ZC3H13: variants seen among roughly 807,000 people sequenced by gnomAD.
ZC3H13 encodes the protein zinc finger CCCH domain-containing protein 13.
In ZC3H13, 64 loss-of-function variants were observed where a neutral mutation model predicts 204.1. The observed-to-expected ratio is 0.31, with a 90% CI of 0.26 to 0.39. The LOEUF (loss-of-function observed/expected upper bound fraction) is 0.39, where lower values mean the gene tolerates loss of function less well. Among genes scored for constraint, ZC3H13 ranks in the 10% least tolerant of loss-of-function variants. The pLI, the probability that ZC3H13 is intolerant of heterozygous loss-of-function variation, is 1.00. For synonymous variants in ZC3H13, 667 were observed against 693.7 expected, an observed-to-expected ratio of 0.96 and a Z score of 0.60; for missense variants, 1,833 against 2,082.7, an observed-to-expected ratio of 0.88 and a Z score of 2.33.
chr13:46,006,816 C>T (rs117668619), intron 7 of ZC3H13, among the ~76,000 whole-genome samples: 1,659 of 145,862 alleles, frequency 0.011, 17 homozygotes, highest in Non-Finnish European at 0.02. Flanking sequence ...GTCCTCATCC[C>T]TATGTCTTAT....
chr13:46,043,200 A>T (rs182466943), intron 3 of ZC3H13, among the ~76,000 whole-genome samples: 2 of 152,016 alleles, frequency 1.3e-5, no homozygotes, highest in East Asian at 3.9e-4. Context: ...AACAAATCAC[A>T]TAAATATTCA....
chr13:45,959,499 A>AG lies in ZC3H13; in HGVS notation c.4822dup (p.Leu1608ProfsTer3). The AG allele has an allele frequency of 2.6e-6, 4 of 1,542,772 alleles. No individual in the cohort carries two copies. Among genetic ancestry groups the AG allele is most frequent in the Non-Finnish European group, 3.5e-6 (4 of 1,144,090 alleles). ...TAACAGTACCTTCTCATTTTTAACA[A>AG]GCTGCTTTCGAATTGCAGAATCCCG... On this transcript the variant is annotated frameshift_variant, in exon 18 of 19. Coordinates refer to ENST00000679008, the MANE Select transcript of ZC3H13 (RefSeq NM_001330564.2). LOFTEE classifies it high-confidence loss of function.
At chr13:45,988,693 A>G (rs1243673524) in intron 9 of ZC3H13, 94 bp downstream of exon 9, 1 of 1,388,000 alleles carries the variant, frequency 7.2e-7, no homozygotes, top group East Asian at 2.3e-5. Flanking sequence ...GTTACAGAAG[A>G]CTTAACATAG....
At chr13:46,016,845 CTATT>C (rs1056859478) in intron 5 of ZC3H13, among the ~76,000 whole-genome samples, 22 of 152,164 alleles carry the variant, frequency 1.4e-4, no homozygotes, top group African/African-American at 5.3e-4. Flanking sequence ...TTGGTAAAAT[CTATT>C]TATAGGCAAT....
At chr13:46,029,532 C>T (rs2042751862) in intron 4 of ZC3H13, among the ~76,000 whole-genome samples, 2 of 151,038 alleles carry the variant, frequency 1.3e-5, no homozygotes, top group Non-Finnish European at 3.0e-5. Flanking sequence ...GGGTTCACGC[C>T]ATTCTCCTGC....
intron 4 of ZC3H13, among the ~76,000 whole-genome samples, chr13:46,039,673 AAC>A (rs2043441624): frequency 1.3e-5 from 2 of 152,226 alleles, no homozygotes; most frequent in Admixed American, 1.3e-4. Flanking sequence ...GCCACTGTTA[AAC>A]ACAGCCATGA....
At chr13:46,013,570 G>C (rs1180050155) in intron 5 of ZC3H13, among the ~76,000 whole-genome samples, 1 of 152,044 alleles carries the variant, frequency 6.6e-6, no homozygotes, top group African/African-American at 2.4e-5. Context: ...GTAAGAGATG[G>C]ACTACAAGAT....
At chr13:46,041,069 ACTC>A (rs1408820895) in intron 4 of ZC3H13, among the ~76,000 whole-genome samples, 1 of 152,048 alleles carries the variant, frequency 6.6e-6, no homozygotes, top group Non-Finnish European at 1.5e-5. Context: ...TGTCAACTCC[ACTC>A]CTCAATATAA....
At chr13:46,010,145 A>G (rs1480688903) in intron 7 of ZC3H13, 5 of 401,162 alleles carry the variant, frequency 1.2e-5, no homozygotes, top group African/African-American at 2.1e-5. Flanking sequence ...GCTCTGAAGC[A>G]TATGTGGATG....
intron 10 of ZC3H13, among the ~76,000 whole-genome samples, chr13:45,984,621 T>A (rs1228906600): frequency 6.6e-6 from 1 of 152,000 alleles, no homozygotes; most frequent in Admixed American, 6.6e-5. Flanking sequence ...AACACAAATA[T>A]GAAGCTGTAA....
At chr13:46,016,548 A>G (rs2041919193) in intron 5 of ZC3H13, among the ~76,000 whole-genome samples, 1 of 152,164 alleles carries the variant, frequency 6.6e-6, no homozygotes, top group African/African-American at 2.4e-5. Flanking sequence ...GGTGCTAGAA[A>G]TCAGGACAGT....
At chr13:46,037,887 A>G (rs769884564) in intron 4 of ZC3H13, among the ~76,000 whole-genome samples, 1 of 152,236 alleles carries the variant, frequency 6.6e-6, no homozygotes, top group African/African-American at 2.4e-5. Flanking sequence ...CTTTCTTTTC[A>G]TACTAAGTCT....
intron 5 of ZC3H13, among the ~76,000 whole-genome samples, chr13:46,017,540 T>C (rs1426331186): frequency 6.6e-6 from 1 of 152,146 alleles, no homozygotes; most frequent in Non-Finnish European, 1.5e-5. Flanking sequence ...TAAAAGCATA[T>C]AATGGATTTT....
At chr13:45,965,135 T>A in intron 16 of ZC3H13, 145 bp downstream of exon 16, 1 of 1,019,022 alleles carries the variant, frequency 9.8e-7, no homozygotes, top group East Asian at 2.8e-5. Flanking sequence ...ATAATTTTCA[T>A]TTTATTGGCC....
chr13:45,996,130 ATAC>A (rs1388359115), intron 8 of ZC3H13, among the ~76,000 whole-genome samples: 1 of 152,212 alleles, frequency 6.6e-6, no homozygotes, highest in East Asian at 1.9e-4. Context: ...TGTTCCTAAA[ATAC>A]TACTAATGTA....
In ZC3H13 at chr13:45,985,503, T is replaced by C. The variant is rs768523970; in HGVS notation, c.1514A>G (p.His505Arg). 2 of 1,614,230 alleles carry C rather than the reference T, an allele frequency of 1.2e-6. No homozygotes were observed. The highest frequency in any genetic ancestry group is 1.7e-6 in the Non-Finnish European group (2 of 1,180,036). The change falls in exon 10 of 19, where the codon CAT becomes CGT. Residue 505 changes from histidine (H) to arginine (R), a missense_variant. By Grantham distance (29) the His-to-Arg change is conservative (BLOSUM62 0). Transcript: ENST00000679008. ...TCGACCTTCACGGTCCCTGTAGTCATGGGCATCACGAGTGGACCGAGAATC... is the reference window on the plus strand; with the variant it reads ...TCGACCTTCACGGTCCCTGTAGTCACGGGCATCACGAGTGGACCGAGAATC... Reference protein sequence around the residue: ...PRDSRSTRDAHDYRDREGRDT... With the variant: ...PRDSRSTRDARDYRDREGRDT...
At position 46,052,599 on chromosome 13, in the gene ZC3H13, C is replaced by A. The variant is rs1024213127; in HGVS notation, c.-205G>T. 5.0e-6 allele frequency: 2 copies of A among 398,642 alleles called. No homozygotes were observed. The highest frequency in any genetic ancestry group is 8.8e-6 in the Non-Finnish European group (2 of 226,186). The allele number at this position is 398,642 out of a possible 1,614,324, so 24.7% of individuals were successfully genotyped here. A position where few individuals can be genotyped will look rare whatever the true frequency, so the allele number is the denominator to read the frequency against. On this transcript the variant is annotated 5_prime_UTR_variant, in exon 1 of 19. Transcript: ENST00000679008. Reference sequence around the variant, plus strand: ...CCCCGGGATGGCTGAGAAGCAGAACCAACCCGCCCGCCGCCTCTCCAGGGT... The same window carrying A: ...CCCCGGGATGGCTGAGAAGCAGAACAAACCCGCCCGCCGCCTCTCCAGGGT...
chr13:46,035,370 T>C (rs1224316276), intron 4 of ZC3H13, among the ~76,000 whole-genome samples: 4 of 152,206 alleles, frequency 2.6e-5, no homozygotes, highest in Admixed American at 2.0e-4. Context: ...TAATAAATGG[T>C]TGTTTTACAT....
At chr13:46,002,317 G>T (rs948679805) in intron 8 of ZC3H13, among the ~76,000 whole-genome samples, 4 of 152,152 alleles carry the variant, frequency 2.6e-5, no homozygotes, top group African/African-American at 9.7e-5. Flanking sequence ...ACTGTTGGTG[G>T]GAATGTACAA....
Sources: allele counts gnomAD v4.1 joint callset (sites outside exome capture counted in the v4.1 genomes callset), GRCh38; gene constraint gnomAD v4.1.1; transcripts MANE v1.5; gene names NCBI Gene and HGNC (gene_info 2026-07-23, HGNC 2026-07-21).